PRKN: variants seen among roughly 807,000 people sequenced by gnomAD.
The protein encoded by PRKN is parkin RBR E3 ubiquitin protein ligase, also known as E3 ubiquitin-protein ligase parkin.
Under a neutral mutation model 59.5 loss-of-function variants are expected in PRKN, and 56 were observed. The ratio of observed to expected loss-of-function variants is 0.94; its 90% CI spans 0.76 to 1.18. The LOEUF is 1.18. PRKN is among the 50% of genes most tolerant of loss of function. The pLI is 0.00. For missense variants in PRKN, 657 were observed against 596.4 expected, an observed-to-expected ratio of 1.10 and a Z score of -1.06; for synonymous variants, 250 against 222.1, an observed-to-expected ratio of 1.13 and a Z score of -1.12.
At chr6:161,750,142 C>CACACACACACATATAT (rs765990689) in intron 7 of PRKN, among the ~76,000 whole-genome samples, 8 of 137,064 alleles carry the variant, frequency 5.8e-5, no homozygotes, top group African/African-American at 1.9e-4. Flanking sequence ...CACACACACA[C>CACACACACACATATAT]ATATATAAAT....
At chr6:161,894,543 A>C (rs765751572) in intron 6 of PRKN, among the ~76,000 whole-genome samples, 48 of 152,052 alleles carry the variant, frequency 3.2e-4, no homozygotes, top group Non-Finnish European at 6.0e-4. Flanking sequence ...CTTTGCTTGG[A>C]CCTTAATGTA....
At position 162,056,818 on chromosome 6, in the gene PRKN, C is replaced by T. The variant is rs1378363691; in HGVS notation, c.535-2644G>A. ...CTGCATGACCAGTTCCCACTAAAAT[C>T]GCTGGGCACTGACTCTCCATTGAGC... On this transcript the variant is annotated intron_variant, in intron 4 of 11. Transcript: ENST00000366898. The surrounding 1 kb of genome is among the most constrained non-coding windows in gnomAD (Gnocchi z 4.9). 6.6e-6 allele frequency among the ~76,000 whole-genome samples: 1 copy of T among 152,262 alleles called. No individual in the cohort carries two copies. Among genetic ancestry groups the T allele is most frequent in the South Asian group, 2.1e-4 (1 of 4,830 alleles).
chr6:162,555,920 G>A (rs1779545279), intron 1 of PRKN, among the ~76,000 whole-genome samples: 1 of 147,948 alleles, frequency 6.8e-6, no homozygotes, highest in African/African-American at 2.5e-5. Flanking sequence ...GAACCTGGGA[G>A]GTGGAGGTTG....
chr6:162,477,262 C>T (rs1562316113), intron 1 of PRKN, among the ~76,000 whole-genome samples: 1 of 152,082 alleles, frequency 6.6e-6, no homozygotes. Flanking sequence ...CTGGTAGGTA[C>T]CAGGAAATTA....
chr6:161,973,504 G>A, intron 5 of PRKN, 87 bp from the exon 6 acceptor site: 1 of 756,828 alleles, frequency 1.3e-6, no homozygotes, highest in Non-Finnish European at 2.3e-6. Flanking sequence ...AATCTCTTTG[G>A]ACAAGAGAAG....
At chr6:162,323,315 T>C (rs1042746389) in intron 2 of PRKN, among the ~76,000 whole-genome samples, 6 of 149,292 alleles carry the variant, frequency 4.0e-5, no homozygotes, top group Non-Finnish European at 7.5e-5. Context: ...GAAAAAAACA[T>C]AAGAGAAAAT....
intron 4 of PRKN, among the ~76,000 whole-genome samples, chr6:162,161,105 G>C (rs1039482008): frequency 2.6e-5 from 4 of 151,990 alleles, no homozygotes; most frequent in African/African-American, 9.7e-5. Context: ...GTCTTTCTTG[G>C]GTTCTAAGAA....
chr6:161,839,017 G>C (rs992363501), intron 6 of PRKN, among the ~76,000 whole-genome samples: 9 of 152,258 alleles, frequency 5.9e-5, no homozygotes, highest in African/African-American at 1.7e-4. Context: ...GGGCGAGGTG[G>C]GGGGAGGAGC....
At chr6:162,586,753 T>C (rs1781076076) in intron 1 of PRKN, among the ~76,000 whole-genome samples, 1 of 149,936 alleles carries the variant, frequency 6.7e-6, no homozygotes, top group Admixed American at 6.7e-5. Context: ...TGTAAACATG[T>C]GTTTGAAGGA....
chr6:161,805,462 A>ACACACACACACACG, intron 6 of PRKN, among the ~76,000 whole-genome samples: 1 of 36,210 alleles, frequency 2.8e-5, no homozygotes, highest in African/African-American at 4.6e-5. Flanking sequence ...GCACACACAC[A>ACACACACACACACG]CACACACACA....
intron 5 of PRKN, among the ~76,000 whole-genome samples, chr6:162,034,810 G>C (rs1045393091): frequency 2.0e-5 from 3 of 152,164 alleles, no homozygotes; most frequent in African/African-American, 7.2e-5. Context: ...AGCCCATATG[G>C]AATGTTAACC....
intron 3 of PRKN, among the ~76,000 whole-genome samples, chr6:162,260,714 G>C (rs764769253): frequency 6.6e-6 from 1 of 152,104 alleles, no homozygotes. Context: ...TAAAGAACAT[G>C]AATATGTACA....
At position 161,554,649 on chromosome 6, in the gene PRKN, TG is replaced by T. The variant is rs1213703969; in HGVS notation, c.934-5647del. Among the ~76,000 whole-genome samples the T allele has an allele frequency of 6.6e-6, 1 of 151,730 alleles. No homozygotes were observed. The highest frequency in any genetic ancestry group is 1.5e-5 in the Non-Finnish European group (1 of 67,976). On this transcript the variant is annotated intron_variant, in intron 8 of 11. Coordinates refer to ENST00000366898, the MANE Select transcript of PRKN (RefSeq NM_004562.3). This position sits in a 1 kb window ranked among gnomAD's most constrained non-coding sequence, Gnocchi z 4.5. ...TTATATTATACATAAAAAGAATATATGGAATTATAGTTTCTTACAGTATACA... is the reference window on the plus strand; with the variant it reads ...TTATATTATACATAAAAAGAATATATGAATTATAGTTTCTTACAGTATACA...
chr6:162,526,992 G>C (rs1186992348), intron 1 of PRKN, among the ~76,000 whole-genome samples: 2 of 151,732 alleles, frequency 1.3e-5, no homozygotes, highest in Admixed American at 6.6e-5. Flanking sequence ...TGTGAGGCTT[G>C]AGCTTTTCTA....
intron 1 of PRKN, among the ~76,000 whole-genome samples, chr6:162,505,983 T>C (rs1047319851): frequency 6.6e-6 from 1 of 152,168 alleles, no homozygotes; most frequent in Non-Finnish European, 1.5e-5. Flanking sequence ...AGTTCCTATA[T>C]TGCTTCAGTT....
At chr6:162,081,401 G>A (rs1245561793) in intron 4 of PRKN, among the ~76,000 whole-genome samples, 1 of 152,044 alleles carries the variant, frequency 6.6e-6, no homozygotes, top group Non-Finnish European at 1.5e-5. Flanking sequence ...CAGAATTTAG[G>A]TGTTGTTTTA....
chr6:162,674,080 A>G (rs1182341850), intron 1 of PRKN, among the ~76,000 whole-genome samples: 3 of 152,268 alleles, frequency 2.0e-5, no homozygotes, highest in Admixed American at 1.3e-4. Flanking sequence ...GTCAGAACAC[A>G]TTAAGAGCTC....
intron 2 of PRKN, among the ~76,000 whole-genome samples, chr6:162,404,379 AAAAGAAAG>A (rs541062206): frequency 6.6e-6 from 1 of 151,808 alleles, no homozygotes; most frequent in South Asian, 2.1e-4. Flanking sequence ...GAAAAAAAAA[AAAAGAAAG>A]AAAGAAAGAA....
chr6:162,381,175 G>A (rs531027276), intron 2 of PRKN, among the ~76,000 whole-genome samples: 1 of 152,022 alleles, frequency 6.6e-6, no homozygotes, highest in Non-Finnish European at 1.5e-5. Context: ...ACAGTGTCTG[G>A]GCATCGTCTC....
Sources: gnomAD v4.1 joint callset for allele counts (sites outside exome capture counted in the v4.1 genomes callset) on GRCh38, gnomAD v4.1.1 for gene constraint, Gnocchi (gnomAD v3.1) non-coding constraint, MANE v1.5 for transcripts, NCBI Gene and HGNC (gene_info 2026-07-23, HGNC 2026-07-21) for gene names.